Variants in DENND5B observed in about 807,000 individuals in gnomAD.
The protein encoded by DENND5B is DENN domain-containing protein 5B.
A neutral mutation model predicts 140.6 loss-of-function variants in DENND5B; 34 were observed. That is an observed-to-expected ratio of 0.24 (90% CI 0.18 to 0.32). The LOEUF is 0.32. Among genes scored for constraint, DENND5B ranks in the 10% least tolerant of loss-of-function variants. The pLI, the probability that DENND5B is intolerant of heterozygous loss-of-function variation, is 1.00. For missense variants in DENND5B, 1,142 were observed against 1,560.2 expected, an observed-to-expected ratio of 0.73 and a Z score of 4.52; for synonymous variants, 551 against 562.1, an observed-to-expected ratio of 0.98 and a Z score of 0.28.
intron 17 of DENND5B, among the ~76,000 whole-genome samples, chr12:31,394,059 C>T (rs1056039876): frequency 1.3e-5 from 2 of 151,466 alleles, no homozygotes; most frequent in African/African-American, 4.8e-5. Flanking sequence ...AAAATGAAAA[C>T]CTCTTATAAT....
intron 1 of DENND5B, among the ~76,000 whole-genome samples, chr12:31,555,943 G>A (rs747606439): frequency 2.9e-4 from 44 of 152,186 alleles, no homozygotes; most frequent in South Asian, 8.3e-4. Context: ...CGATTTTCCA[G>A]GTGCCCTCTG....
intron 14 of DENND5B, among the ~76,000 whole-genome samples, chr12:31,407,154 G>A (rs1187625916): frequency 6.2e-5 from 9 of 145,428 alleles, no homozygotes; most frequent in Admixed American, 2.1e-4. Context: ...ATTTTGAGAC[G>A]GAGTCTCGCT....
At chr12:31,552,112 G>A (rs1315382311) in intron 1 of DENND5B, among the ~76,000 whole-genome samples, 1 of 152,164 alleles carries the variant, frequency 6.6e-6, no homozygotes, top group Non-Finnish European at 1.5e-5. Flanking sequence ...TTGAATAGGA[G>A]TCGTGAGAGA....
intron 1 of DENND5B, among the ~76,000 whole-genome samples, chr12:31,558,221 T>C (rs1048117519): frequency 3.9e-5 from 6 of 152,174 alleles, no homozygotes; most frequent in African/African-American, 4.8e-5. Context: ...CAATTCCTCA[T>C]AGATGGTGTT....
rs2139564226 is a variant in DENND5B, at chr12:31,590,641, GCGCGTCCCCAC to G, written c.127+54_127+64del. The G allele has an allele frequency of 1.7e-5, 24 of 1,381,046 alleles. No individual in the cohort carries two copies. In the South Asian group the frequency reaches 3.7e-4, roughly 21 times the overall value. 85.5% of individuals were successfully genotyped at this position (1,381,046 alleles called of 1,614,324 possible). A position where few individuals can be genotyped will look rare whatever the true frequency, so the allele number is the denominator to read the frequency against. On this transcript the variant is annotated intron_variant, in intron 1 of 20. Coordinates refer to ENST00000389082, the MANE Select transcript of DENND5B (RefSeq NM_144973.4). ...GTCTGGAGCCTGCACCCCGCCTCCCGCGCGTCCCCACAGCGTCCCCCGCGCCCCTGAGGGGG... is the reference window on the plus strand; with the variant it reads ...GTCTGGAGCCTGCACCCCGCCTCCCGAGCGTCCCCCGCGCCCCTGAGGGGG...
intron 14 of DENND5B, among the ~76,000 whole-genome samples, chr12:31,403,360 T>A (rs1037117970): frequency 1.3e-5 from 2 of 150,774 alleles, no homozygotes; most frequent in African/African-American, 4.9e-5. Context: ...AGAGGTTAGA[T>A]GTTATGCATG....
chr12:31,564,160 T>C (rs1002005642), intron 1 of DENND5B, among the ~76,000 whole-genome samples: 2 of 152,118 alleles, frequency 1.3e-5, no homozygotes, highest in African/African-American at 4.8e-5. Context: ...ATGACTAGAA[T>C]AGATTCATAA....
At chr12:31,570,153 A>G (rs1357770561) in intron 1 of DENND5B, among the ~76,000 whole-genome samples, 1 of 149,966 alleles carries the variant, frequency 6.7e-6, no homozygotes, top group Non-Finnish European at 1.5e-5. Context: ...CAAGATCGCC[A>G]ACACTGCACT....
At chr12:31,513,374 C>T (rs568064825) in intron 1 of DENND5B, among the ~76,000 whole-genome samples, 7 of 152,196 alleles carry the variant, frequency 4.6e-5, no homozygotes, top group Non-Finnish European at 8.8e-5. Context: ...ACCCAACCCA[C>T]ATTTTAGAAA....
intron 1 of DENND5B, among the ~76,000 whole-genome samples, chr12:31,523,659 G>GTA (rs1303256100): frequency 6.7e-6 from 1 of 149,904 alleles, no homozygotes; most frequent in Non-Finnish European, 1.5e-5. Context: ...CCATTAAATT[G>GTA]TACACTTCAG....
intron 1 of DENND5B, among the ~76,000 whole-genome samples, chr12:31,545,361 C>T (rs1248813118): frequency 6.6e-6 from 1 of 151,816 alleles, no homozygotes; most frequent in South Asian, 2.1e-4. Flanking sequence ...AATATAATAC[C>T]CGTTTTTCAA....
At chr12:31,529,241 C>A (rs932008146) in intron 1 of DENND5B, among the ~76,000 whole-genome samples, 7 of 151,344 alleles carry the variant, frequency 4.6e-5, no homozygotes, top group Admixed American at 1.3e-4. Context: ...TGACAGCAAT[C>A]TATGAAATCA....
At chr12:31,533,161 C>T (rs1342278473) in intron 1 of DENND5B, among the ~76,000 whole-genome samples, 1 of 152,070 alleles carries the variant, frequency 6.6e-6, no homozygotes, top group East Asian at 1.9e-4. Flanking sequence ...AATATGAATG[C>T]TTAAATTTGC....
chr12:31,417,262 C>A (rs906906633), intron 11 of DENND5B, among the ~76,000 whole-genome samples: 5 of 144,640 alleles, frequency 3.5e-5, no homozygotes, highest in Non-Finnish European at 5.9e-5. Context: ...GAGGCTGAGG[C>A]AAGACAATGG....
intron 15 of DENND5B, 119 bp from the exon 16 acceptor site, chr12:31,399,891 A>G: frequency 1.5e-6 from 1 of 671,172 alleles, no homozygotes; most frequent in Non-Finnish European, 2.6e-6. Context: ...TGCATAATGT[A>G]TTCAGCTATG....
chr12:31,523,508 A>T (rs1947978161), intron 1 of DENND5B, among the ~76,000 whole-genome samples: 1 of 152,060 alleles, frequency 6.6e-6, no homozygotes, highest in Non-Finnish European at 1.5e-5. Context: ...ATACCATTTC[A>T]CCAAAACAAA....
rs1940881331 is a variant in DENND5B, at chr12:31,387,006, A to C, written c.*597T>G. The C allele has an allele frequency of 6.6e-6, 1 of 152,208 alleles. No individual in the cohort carries two copies. The highest frequency in any genetic ancestry group is 1.5e-5 in the Non-Finnish European group (1 of 68,048). The allele number at this position is 152,208 out of a possible 1,614,324, so 9.4% of individuals were successfully genotyped here. A position where few individuals can be genotyped will look rare whatever the true frequency, so the allele number is the denominator to read the frequency against. On this transcript the variant is annotated 3_prime_UTR_variant, in exon 21 of 21. Transcript: ENST00000389082. ...CAATTATATCATCTTGTGCGGACTGAAATTTTTTTCCAAAAGACTGGAAAA... is the reference window on the plus strand; with the variant it reads ...CAATTATATCATCTTGTGCGGACTGCAATTTTTTTCCAAAAGACTGGAAAA...
intron 14 of DENND5B, among the ~76,000 whole-genome samples, chr12:31,407,319 C>T (rs944238413): frequency 1.3e-5 from 2 of 151,676 alleles, no homozygotes; most frequent in South Asian, 2.1e-4. Context: ...TTAGTAGAGA[C>T]GGGGTTTCAC....
intron 5 of DENND5B, among the ~76,000 whole-genome samples, chr12:31,451,223 CTTGA>C (rs1944504116): frequency 6.6e-6 from 1 of 152,044 alleles, no homozygotes; most frequent in Non-Finnish European, 1.5e-5. Flanking sequence ...TTTAACCATA[CTTGA>C]TCATAAAGTA....
Sources: gnomAD v4.1 joint callset for allele counts (sites outside exome capture counted in the v4.1 genomes callset) on GRCh38, gnomAD v4.1.1 for gene constraint, MANE v1.5 for transcripts, NCBI Gene and HGNC (gene_info 2026-07-23, HGNC 2026-07-21) for gene names.